ATP2B2: variants seen among roughly 807,000 people sequenced by gnomAD.
ATP2B2 encodes the protein ATPase plasma membrane Ca2+ transporting 2.
A neutral mutation model predicts 120.0 loss-of-function variants in ATP2B2; 15 were observed. That is an observed-to-expected ratio of 0.12 (90% confidence interval 0.08 to 0.19). The LOEUF (loss-of-function observed/expected upper bound fraction) is 0.19. Ranked by LOEUF, ATP2B2 falls within the 10% of genes least tolerant of loss-of-function variation. The pLI, the probability that ATP2B2 is intolerant of heterozygous loss-of-function variation, is 1.00. For synonymous variants in ATP2B2, 694 were observed against 700.3 expected (o/e 0.99, Z 0.14); for missense variants, 1,045 against 1,719.8 (o/e 0.61, Z 6.94).
intron 2 of ATP2B2, among the ~76,000 whole-genome samples, chr3:10,444,762 C>G (rs951712728): frequency 6.6e-6 from 1 of 152,248 alleles, no homozygotes; most frequent in African/African-American, 2.4e-5. Flanking sequence ...CAGCGCAACG[C>G]TGGGCTCAGG....
intron 1 of ATP2B2, among the ~76,000 whole-genome samples, chr3:10,671,127 G>C (rs964431087): frequency 5.3e-5 from 8 of 152,366 alleles, no homozygotes; most frequent in East Asian, 3.9e-4. Context: ...AGGCTGGCCT[G>C]AATCACACTA....
intron 2 of ATP2B2, among the ~76,000 whole-genome samples, chr3:10,547,465 C>A (rs145135478): frequency 6.6e-6 from 1 of 152,270 alleles, no homozygotes; most frequent in Non-Finnish European, 1.5e-5. Flanking sequence ...GTCGCTGGCC[C>A]ACGGTCACAC....
intron 5 of ATP2B2, among the ~76,000 whole-genome samples, chr3:10,399,219 G>A (rs1302551589): frequency 2.6e-5 from 4 of 152,196 alleles, no homozygotes; most frequent in African/African-American, 9.7e-5. Flanking sequence ...TCATCCCGGA[G>A]GGCAGGACCA....
At chr3:10,548,296 C>T (rs1225041142) in intron 2 of ATP2B2, among the ~76,000 whole-genome samples, 1 of 152,228 alleles carries the variant, frequency 6.6e-6, no homozygotes. Flanking sequence ...TGCAGAGATG[C>T]TGTTATTTCC....
chr3:10,488,483 C>CTTCCT (rs1157386291), intron 1 of ATP2B2, among the ~76,000 whole-genome samples: 2 of 100,670 alleles, frequency 2.0e-5, no homozygotes, highest in Non-Finnish European at 4.1e-5. Flanking sequence ...TCCTTCCTTC[C>CTTCCT]TTCCTTCCTT....
chr3:10,378,343 A>G lies in ATP2B2; in HGVS notation c.1110T>C (p.Ala370=). ...GCATGCTGGCCTTCTTCCTGTCGTC[A>G]GCGTCGCCGCCCTCGGCACTCTTGA... ...QPLKSAEGGD[A]DDRKKASMHK... Residue 370 remains alanine (A), a synonymous_variant, in exon 10 of 23, where the codon GCT becomes GCC. Transcript: ENST00000360273. 1 of 1,608,086 alleles carries G rather than the reference A, an allele frequency of 6.2e-7. No homozygotes were observed. Among genetic ancestry groups the G allele is most frequent in the Non-Finnish European group, 8.5e-7 (1 of 1,180,008 alleles).
intron 8 of ATP2B2, among the ~76,000 whole-genome samples, chr3:10,383,384 G>A (rs2061585442): frequency 2.0e-5 from 3 of 152,186 alleles, no homozygotes; most frequent in African/African-American, 4.8e-5. Flanking sequence ...AAGGCTCTGA[G>A]CAGTCCTGTA....
chr3:10,705,160 C>A (rs1403848163), intron 1 of ATP2B2, among the ~76,000 whole-genome samples: 1 of 152,222 alleles, frequency 6.6e-6, no homozygotes, highest in Admixed American at 6.5e-5. Context: ...ACAACAAATT[C>A]TCTCTTTGCT....
intron 1 of ATP2B2, among the ~76,000 whole-genome samples, chr3:10,488,450 C>A (rs1338990349): frequency 6.7e-6 from 1 of 150,010 alleles, no homozygotes; most frequent in Non-Finnish European, 1.5e-5. Context: ...TCCATCCATC[C>A]ACCACCCTAC....
At chr3:10,358,252 C>T (rs1279265182) in intron 14 of ATP2B2, among the ~76,000 whole-genome samples, 3 of 152,230 alleles carry the variant, frequency 2.0e-5, no homozygotes, top group African/African-American at 4.8e-5. Flanking sequence ...TTCGGGTTCT[C>T]CTGAGTGCAA....
chr3:10,504,562 AC>A (rs5846667), intron 1 of ATP2B2, among the ~76,000 whole-genome samples: 3 of 149,298 alleles, frequency 2.0e-5, no homozygotes, highest in Admixed American at 6.6e-5. Flanking sequence ...AGTCCAGAGC[AC>A]CCCCCCAACC....
intron 1 of ATP2B2, among the ~76,000 whole-genome samples, chr3:10,698,403 G>A (rs1351248492): frequency 6.6e-6 from 1 of 152,226 alleles, no homozygotes; most frequent in Non-Finnish European, 1.5e-5. Context: ...CAACTCCAGA[G>A]CTAATCCACC....
At chr3:10,629,461 T>TTCCCGCCG (rs2069802437) in intron 1 of ATP2B2, among the ~76,000 whole-genome samples, 1 of 152,236 alleles carries the variant, frequency 6.6e-6, no homozygotes. Flanking sequence ...CATTTGTTGA[T>TTCCCGCCG]AGGGCACATT....
At chr3:10,420,124 A>G (rs961961152) in intron 2 of ATP2B2, among the ~76,000 whole-genome samples, 53 of 152,358 alleles carry the variant, frequency 3.5e-4, no homozygotes, top group African/African-American at 1.3e-3. Flanking sequence ...ACGCGGGCAC[A>G]CAAAGGTGTG....
chr3:10,560,047 T>C (rs543729354), intron 2 of ATP2B2, among the ~76,000 whole-genome samples: 1 of 152,200 alleles, frequency 6.6e-6, no homozygotes, highest in Non-Finnish European at 1.5e-5. Context: ...CTCTGACTTC[T>C]CAAACCTTAA....
At chr3:10,562,218 C>T (rs2067918028) in intron 2 of ATP2B2, among the ~76,000 whole-genome samples, 1 of 152,138 alleles carries the variant, frequency 6.6e-6, no homozygotes, top group Non-Finnish European at 1.5e-5. Flanking sequence ...GCTGCACCTT[C>T]AGGTGCTTAC....
intron 5 of ATP2B2, among the ~76,000 whole-genome samples, chr3:10,398,874 G>A (rs2062129074): frequency 6.6e-6 from 1 of 152,142 alleles, no homozygotes; most frequent in South Asian, 2.1e-4. Context: ...TGGCACCTCT[G>A]TTCCCTCTGG....
intron 1 of ATP2B2, among the ~76,000 whole-genome samples, chr3:10,637,630 A>G (rs1316993177): frequency 3.3e-5 from 5 of 152,234 alleles, no homozygotes; most frequent in Non-Finnish European, 7.3e-5. Context: ...AACTGAAAAG[A>G]GTATCAGTGA....
intron 2 of ATP2B2, among the ~76,000 whole-genome samples, chr3:10,614,857 C>T (rs1007308880): frequency 1.3e-5 from 2 of 152,150 alleles, no homozygotes; most frequent in African/African-American, 2.4e-5. Flanking sequence ...GGAATAGTGA[C>T]CAATTTTCAG....
Sources: gnomAD v4.1 joint callset for allele counts (sites outside exome capture counted in the v4.1 genomes callset) on GRCh38, gnomAD v4.1.1 for gene constraint, MANE v1.5 for transcripts, NCBI Gene and HGNC (gene_info 2026-07-23, HGNC 2026-07-21) for gene names.